Variants in ATP10B observed in about 807,000 individuals in gnomAD.
ATP10B encodes the protein ATPase phospholipid transporting 10B (putative).
A neutral mutation model predicts 141.2 loss-of-function variants in ATP10B; 122 were observed. The observed-to-expected ratio is 0.86, with a 90% CI of 0.75 to 1.00. ATP10B has a LOEUF of 1.00. Among genes scored for constraint, ATP10B ranks in the 50% least tolerant of loss-of-function variants. The probability of loss-of-function intolerance (pLI) is 0.00; values close to 1 mark genes in which losing one functional copy is unlikely to be tolerated. For synonymous variants in ATP10B, 685 were observed against 692.0 expected, an observed-to-expected ratio of 0.99 and a Z score of 0.16; for missense variants, 1,876 against 1,825.3, an observed-to-expected ratio of 1.03 and a Z score of -0.51.
chr5:160,677,490 C>T (rs1359517428), intron 6 of ATP10B, among the ~76,000 whole-genome samples: 1 of 152,172 alleles, frequency 6.6e-6, no homozygotes, highest in African/African-American at 2.4e-5. Context: ...TCAGAGTCCT[C>T]CCCGAGGCCC....
chr5:160,820,403 G>GA (rs781134834), intron 1 of ATP10B, among the ~76,000 whole-genome samples: 20 of 150,946 alleles, frequency 1.3e-4, no homozygotes, highest in East Asian at 3.9e-4. Flanking sequence ...AAGTTACCCA[G>GA]AAAAAAACAA....
chr5:160,881,929 T>C, the ATP10B span, among the ~76,000 whole-genome samples: 1 of 152,224 alleles, frequency 6.6e-6, no homozygotes, highest in Non-Finnish European at 1.5e-5. Context: ...TGAAATATTA[T>C]TTAATGCTAA....
rs550120043 is a variant in ATP10B, at chr5:160,667,370, A to T, written c.675+3093T>A. Among the ~76,000 whole-genome samples, 9 of 152,336 alleles carry T rather than the reference A, an allele frequency of 5.9e-5. No individual in the cohort carries two copies. The South Asian group carries it at 1.9e-3, about 32-fold the overall frequency. On this transcript the variant is annotated intron_variant, in intron 7 of 25. Coordinates refer to ENST00000327245, the MANE Select transcript of ATP10B (RefSeq NM_025153.3). Reference sequence around the variant, plus strand: ...CCCAGTTTCGTTTTGTATAAAATGGAGACAATAATAGTGCCCATCTCATTG... The same window carrying T: ...CCCAGTTTCGTTTTGTATAAAATGGTGACAATAATAGTGCCCATCTCATTG...
the ATP10B span, among the ~76,000 whole-genome samples, chr5:160,909,567 CTG>C: frequency 5.3e-5 from 8 of 152,182 alleles, no homozygotes; most frequent in Non-Finnish European, 8.8e-5. Context: ...TAGAAGGTAA[CTG>C]TGCATTTCCC....
intron 7 of ATP10B, among the ~76,000 whole-genome samples, chr5:160,657,515 G>A (rs1303373903): frequency 6.6e-6 from 1 of 152,138 alleles, no homozygotes; most frequent in Non-Finnish European, 1.5e-5. Context: ...TGGGCTGGAG[G>A]GCTCTGAGGG....
At chr5:160,649,134 A>C in intron 8 of ATP10B, 37 bp downstream of exon 8, 1 of 1,410,212 alleles carries the variant, frequency 7.1e-7, no homozygotes, top group Non-Finnish European at 1.0e-6. Flanking sequence ...GCTGCAGCGG[A>C]GATATTTACT....
chr5:160,607,014 G>A lies in ATP10B; in HGVS notation c.2911C>T (p.Arg971Cys), dbSNP rs199918142. 6.0e-5 allele frequency: 97 copies of A among 1,613,944 alleles called. No homozygotes were observed. The highest frequency in any genetic ancestry group is 7.9e-5 in the Non-Finnish European group (93 of 1,180,004). Reference sequence around the variant, plus strand: ...GGTAAGCGGAATCCAAAGAGCTTGCGGTCTGGCTTCTGTAGTTCACGAAAT... The same window carrying A: ...GGTAAGCGGAATCCAAAGAGCTTGCAGTCTGGCTTCTGTAGTTCACGAAAT... Reference protein sequence around the residue: ...KQFRELQKPDRKLFGFRLPSK... With the variant: ...KQFRELQKPDCKLFGFRLPSK... The change falls in exon 19 of 26, where the codon CGC becomes TGC. Residue 971 changes from arginine to cysteine, a missense_variant. Transcript: ENST00000327245.
rs57112303 is a variant in ATP10B at position 160,782,438 on chromosome 5, TACACACACACAC to T, written c.-331+3109_-331+3120del. Among the ~76,000 whole-genome samples the T allele has an allele frequency of 3.1e-3, 444 of 141,180 alleles. 2 individuals carry two copies. The highest frequency in any genetic ancestry group is 0.011 in the African/African-American group (422 of 37,846). The allele number at this position is 141,180 out of a possible 152,430, so 92.6% of individuals were successfully genotyped here. On this transcript the variant is annotated intron_variant, in intron 2 of 25. Transcript: ENST00000327245. ...ACTTTGTTCCCATTTTCTTCCTCCATACACACACACACACACACACACACACACACACACACA... is the reference window on the plus strand; with the variant it reads ...ACTTTGTTCCCATTTTCTTCCTCCATACACACACACACACACACACACACA...
At chr5:160,704,629 T>C (rs1007481455) in intron 3 of ATP10B, among the ~76,000 whole-genome samples, 1 of 152,224 alleles carries the variant, frequency 6.6e-6, no homozygotes, top group Admixed American at 6.5e-5. Flanking sequence ...TTTGATATTT[T>C]GAAGCCAGGC....
intron 1 of ATP10B, among the ~76,000 whole-genome samples, chr5:160,789,791 C>A (rs975653287): frequency 2.0e-5 from 3 of 152,118 alleles, no homozygotes; most frequent in Non-Finnish European, 4.4e-5. Context: ...CATTCTAAAG[C>A]ACAAGGTTTA....
intron 1 of ATP10B, among the ~76,000 whole-genome samples, chr5:160,811,712 A>T (rs554688243): frequency 1.3e-5 from 2 of 151,846 alleles, no homozygotes; most frequent in Admixed American, 6.6e-5. Context: ...AAGGTTTTTG[A>T]CTCCAGTCCA....
At chr5:160,682,502 G>A (rs184297458) in intron 6 of ATP10B, among the ~76,000 whole-genome samples, 1 of 152,294 alleles carries the variant, frequency 6.6e-6, no homozygotes. Context: ...CCTAGGTCCT[G>A]CCAGCTCCCA....
At chr5:160,786,215 G>A (rs149645519) in intron 1 of ATP10B, among the ~76,000 whole-genome samples, 4 of 152,288 alleles carry the variant, frequency 2.6e-5, no homozygotes, top group Non-Finnish European at 5.9e-5. Flanking sequence ...TCTTTCTACT[G>A]TATTTGCAAT....
chr5:160,617,088 C>G (rs1395169311), intron 16 of ATP10B, among the ~76,000 whole-genome samples: 1 of 152,116 alleles, frequency 6.6e-6, no homozygotes, highest in Non-Finnish European at 1.5e-5. Flanking sequence ...TAATGCTGAC[C>G]TAAGAACCAT....
intron 2 of ATP10B, among the ~76,000 whole-genome samples, chr5:160,735,425 G>T (rs1767040714): frequency 6.6e-6 from 1 of 151,972 alleles, no homozygotes; most frequent in South Asian, 2.1e-4. Context: ...TGATAAAGGG[G>T]TCAATTTAGC....
At chr5:160,818,555 T>G (rs1266910911) in intron 1 of ATP10B, among the ~76,000 whole-genome samples, 2 of 152,260 alleles carry the variant, frequency 1.3e-5, no homozygotes, top group Middle Eastern at 6.3e-3. Flanking sequence ...TTGGTGGGAC[T>G]GTAAACTAGT....
At chr5:160,912,223 A>G in the ATP10B span, among the ~76,000 whole-genome samples, 1 of 152,096 alleles carries the variant, frequency 6.6e-6, no homozygotes, top group Non-Finnish European at 1.5e-5. Flanking sequence ...AATGAAGAAT[A>G]AGTTACCCAA....
chr5:160,882,519 T>A, the ATP10B span, among the ~76,000 whole-genome samples: 1 of 152,294 alleles, frequency 6.6e-6, no homozygotes, highest in East Asian at 1.9e-4. Context: ...TGGCCTCAAG[T>A]GATCCTTCTG....
chr5:160,596,718 C>T (rs1356746018), intron 22 of ATP10B, among the ~76,000 whole-genome samples: 16 of 151,894 alleles, frequency 1.1e-4, no homozygotes, highest in Non-Finnish European at 1.2e-4. Flanking sequence ...AATCAATGTG[C>T]GAAAATCACA....
Sources: allele counts gnomAD v4.1 joint callset (sites outside exome capture counted in the v4.1 genomes callset), GRCh38; gene constraint gnomAD v4.1.1; transcripts MANE v1.5; gene names NCBI Gene and HGNC (gene_info 2026-07-23, HGNC 2026-07-21).